TMEM131L: variants seen among roughly 807,000 people sequenced by gnomAD.
The protein encoded by TMEM131L is transmembrane protein 131-like.
Under a neutral mutation model 192.2 loss-of-function variants are expected in TMEM131L, and 54 were observed. That is an observed-to-expected ratio of 0.28 (90% CI 0.23 to 0.35). The LOEUF (loss-of-function observed/expected upper bound fraction) is 0.35, where lower values mean the gene tolerates loss of function less well. TMEM131L is among the 10% of genes least tolerant of loss of function. The probability of loss-of-function intolerance (pLI) is 1.00; values close to 1 mark genes in which losing one functional copy is unlikely to be tolerated. For missense variants in TMEM131L, 1,888 were observed against 1,972.9 expected (o/e 0.96, Z 0.82); for synonymous variants, 701 against 704.9 (o/e 0.99, Z 0.09).
chr4:153,589,052 CTG>C (rs776581963), intron 16 of TMEM131L, 45 bp downstream of exon 16: 2 of 1,006,076 alleles, frequency 2.0e-6, no homozygotes, highest in Admixed American at 1.7e-5. Flanking sequence ...TGGGGAGACA[CTG>C]TTACAGTAGT....
In TMEM131L at chr4:153,622,916, C is replaced by G. The variant is rs1452370038; in HGVS notation, c.3878C>G (p.Pro1293Arg). The G allele has an allele frequency of 6.2e-7, 1 of 1,614,228 alleles. No individual in the cohort carries two copies. The highest frequency in any genetic ancestry group is 1.1e-5 in the South Asian group (1 of 91,080). Reference sequence around the variant, plus strand: ...CCTCCAGAAGGTTACTACCAGAAGCCTGAGAAGAAATGTGTGGACAAGTTC... The same window carrying G: ...CCTCCAGAAGGTTACTACCAGAAGCGTGAGAAGAAATGTGTGGACAAGTTC... ...QREAEGYYQK[P>R]EKKCVDKFCS... The change falls in exon 29 of 35, where the codon CCT becomes CGT. Residue 1293 changes from proline to arginine, a missense_variant. Pro to Arg is a moderately radical substitution (Grantham distance 103). Transcript: ENST00000409959.
chr4:153,596,288 A>G lies in TMEM131L; in HGVS notation c.2026A>G (p.Ile676Val), dbSNP rs2150892061. The G allele has an allele frequency of 6.2e-7, 1 of 1,613,988 alleles. No homozygotes were observed. The highest frequency in any genetic ancestry group is 1.3e-5 in the African/African-American group (1 of 75,060). The change falls in exon 20 of 35, where the codon ATC (isoleucine) becomes GTC (valine). Residue 676 changes from isoleucine to valine, a missense_variant. Transcript: ENST00000409959. Reference sequence around the variant, plus strand: ...GCATTCTGAGGAATCCAGGTTTGGCATCCTCCACTTACATCTGCAGCCTTT... The same window carrying G: ...GCATTCTGAGGAATCCAGGTTTGGCGTCCTCCACTTACATCTGCAGCCTTT... The part of the protein sequence containing the change: ...GTHSEESRFG[I>V]LHLHLQPLEM...
chr4:153,480,082 G>A, intron 3 of TMEM131L, among the ~76,000 whole-genome samples: 1 of 152,226 alleles, frequency 6.6e-6, no homozygotes, highest in South Asian at 2.1e-4. Context: ...GCTCACGCGT[G>A]TAATCCCAGC....
At chr4:153,532,587 CT>C (rs943109570) in intron 3 of TMEM131L, among the ~76,000 whole-genome samples, 12 of 152,130 alleles carry the variant, frequency 7.9e-5, no homozygotes, top group African/African-American at 2.6e-4. Context: ...ACTTTTATCC[CT>C]CCTAAAATAA....
At chr4:153,603,711 A>G in intron 24 of TMEM131L, 91 bp from the exon 25 acceptor site, 2 of 1,378,202 alleles carry the variant, frequency 1.5e-6, no homozygotes, top group South Asian at 1.4e-5. Flanking sequence ...CTCAGTACTG[A>G]TTGCTACCCT....
intron 3 of TMEM131L, among the ~76,000 whole-genome samples, chr4:153,523,819 T>G (rs1277328869): frequency 6.6e-6 from 1 of 152,154 alleles, no homozygotes; most frequent in Non-Finnish European, 1.5e-5. Flanking sequence ...ACTCCTGCAG[T>G]CAGGCTGATA....
At chr4:153,597,236 C>A (rs982336350) in intron 20 of TMEM131L, among the ~76,000 whole-genome samples, 9 of 149,782 alleles carry the variant, frequency 6.0e-5, no homozygotes, top group African/African-American at 2.0e-4. Flanking sequence ...CTTAGTGTTT[C>A]TTTTTTTGTT....
Position 153,604,079 on chromosome 4 carries a change from A to C in TMEM131L, c.3067A>C (p.Thr1023Pro). 6.2e-7 allele frequency: 1 copy of C among 1,614,216 alleles called. No homozygotes were observed. The highest frequency in any genetic ancestry group is 8.5e-7 in the Non-Finnish European group (1 of 1,180,038). ...SLPAAKEDICTDAMRENWISL... is the reference protein window; with the variant it reads ...SLPAAKEDICPDAMRENWISL... Reference sequence around the variant, plus strand: ...GCCTGCTGCTAAAGAGGACATTTGCACTGATGCCATGCGTGAGAACTGGAT... The same window carrying C: ...GCCTGCTGCTAAAGAGGACATTTGCCCTGATGCCATGCGTGAGAACTGGAT... The change falls in exon 25 of 35, where the codon ACT (threonine) becomes CCT (proline). Residue 1023 changes from threonine (T) to proline (P), a missense_variant. Thr to Pro is a conservative substitution (Grantham distance 38). Coordinates refer to ENST00000409959, the MANE Select transcript of TMEM131L (RefSeq NM_001131007.2).
At position 153,467,227 on chromosome 4, in the gene TMEM131L, G is replaced by T; in HGVS notation, c.141G>T (p.Pro47=). 1.3e-6 allele frequency: 2 copies of T among 1,551,716 alleles called. No homozygotes were observed. The highest frequency in any genetic ancestry group is 3.3e-4 in the Middle Eastern group (2 of 5,992). The change falls in exon 2 of 35, where the codon CCG becomes CCT. Residue 47 remains proline, a synonymous_variant. Transcript: ENST00000409959. Reference sequence around the variant, plus strand: ...TTCCTGCAGCGATTGAGCCGTTGCCGAACGTGGTGGAGCTGTGGCAGGCAG... The same window carrying T: ...TTCCTGCAGCGATTGAGCCGTTGCCTAACGTGGTGGAGCTGTGGCAGGCAG... ...GAQGQAIEPL[P]NVVELWQAEE...
intron 25 of TMEM131L, among the ~76,000 whole-genome samples, chr4:153,605,594 A>G (rs1441955711): frequency 1.3e-5 from 2 of 152,172 alleles, no homozygotes; most frequent in African/African-American, 2.4e-5. Flanking sequence ...AGCTCGAGCA[A>G]TCTGCCTGCC....
intron 3 of TMEM131L, among the ~76,000 whole-genome samples, chr4:153,521,615 C>T (rs1020977505): frequency 6.6e-6 from 1 of 152,138 alleles, no homozygotes; most frequent in Non-Finnish European, 1.5e-5. Context: ...ACTATCGCCA[C>T]CATCCGTCTC....
At chr4:153,496,286 C>T (rs1413917632) in intron 3 of TMEM131L, among the ~76,000 whole-genome samples, 2 of 152,154 alleles carry the variant, frequency 1.3e-5, no homozygotes, top group Admixed American at 6.5e-5. Context: ...TTTATTTAAA[C>T]AGAATTTTCT....
At chr4:153,476,066 C>G (rs1377102065) in intron 3 of TMEM131L, among the ~76,000 whole-genome samples, 3 of 152,264 alleles carry the variant, frequency 2.0e-5, no homozygotes, top group African/African-American at 7.2e-5. Context: ...TCAAGTGATT[C>G]TCCTGCCTCA....
intron 3 of TMEM131L, among the ~76,000 whole-genome samples, chr4:153,478,494 A>G (rs1390967147): frequency 6.6e-6 from 1 of 152,182 alleles, no homozygotes; most frequent in Non-Finnish European, 1.5e-5. Context: ...CCTAATGTTA[A>G]TGTCTTATAT....
At chr4:153,601,022 A>G (rs1300883430) in intron 21 of TMEM131L, among the ~76,000 whole-genome samples, 1 of 151,386 alleles carries the variant, frequency 6.6e-6, no homozygotes, top group African/African-American at 2.4e-5. Context: ...AGGCAAGAGA[A>G]TTGCTTGAAA....
At chr4:153,605,525 G>A (rs1254023756) in intron 25 of TMEM131L, among the ~76,000 whole-genome samples, 1 of 152,124 alleles carries the variant, frequency 6.6e-6, no homozygotes, top group African/African-American at 2.4e-5. Flanking sequence ...ATGCCATCAT[G>A]CCCAACTAAT....
chr4:153,546,925 C>G (rs1370901806), intron 3 of TMEM131L, among the ~76,000 whole-genome samples: 1 of 152,110 alleles, frequency 6.6e-6, no homozygotes, highest in Non-Finnish European at 1.5e-5. Context: ...GAAACTCTGT[C>G]TCAAAAAAAC....
In TMEM131L at chr4:153,636,218, G is replaced by A. The variant is rs1734557698; in HGVS notation, c.4558-83G>A. 2.4e-6 allele frequency: 3 copies of A among 1,257,080 alleles called. No individual in the cohort carries two copies. In the South Asian group the frequency reaches 4.3e-5, roughly 18 times the overall value. 77.9% of individuals were successfully genotyped at this position (1,257,080 alleles called of 1,614,324 possible). On this transcript the variant is annotated intron_variant, in intron 34 of 34. Transcript: ENST00000409959. ...AACTTCCAAGTAACTTGATAGCATT[G>A]TAGTATTCGCTGATGTGTATTCACC...
At chr4:153,486,049 G>A (rs1277819982) in intron 3 of TMEM131L, among the ~76,000 whole-genome samples, 1 of 152,142 alleles carries the variant, frequency 6.6e-6, no homozygotes, top group Non-Finnish European at 1.5e-5. Context: ...TTCCCAATTA[G>A]ATGTACAGCT....
Sources: allele counts gnomAD v4.1 joint callset (sites outside exome capture counted in the v4.1 genomes callset), GRCh38; gene constraint gnomAD v4.1.1; transcripts MANE v1.5; gene names NCBI Gene and HGNC (gene_info 2026-07-23, HGNC 2026-07-21).